Variants in MED12L observed in about 807,000 individuals in gnomAD.
The protein encoded by MED12L is mediator of RNA polymerase II transcription subunit 12-like protein.
A neutral mutation model predicts 281.3 loss-of-function variants in MED12L; 60 were observed. That is an observed-to-expected ratio of 0.21 (90% CI 0.17 to 0.26). MED12L has a LOEUF of 0.26. Ranked by LOEUF, MED12L falls within the 10% of genes least tolerant of loss-of-function variation. The probability of loss-of-function intolerance (pLI) is 1.00; values close to 1 mark genes in which losing one functional copy is unlikely to be tolerated. For synonymous variants in MED12L, 974 were observed against 987.2 expected (o/e 0.99, Z 0.25); for missense variants, 2,146 against 2,680.9 (o/e 0.80, Z 4.41).
intron 5 of MED12L, among the ~76,000 whole-genome samples, chr3:151,144,658 G>T (rs1447002216): frequency 6.6e-6 from 1 of 152,124 alleles, no homozygotes; most frequent in South Asian, 2.1e-4. Flanking sequence ...CTTTCCTGGG[G>T]TACTGCCCCC....
intron 2 of MED12L, among the ~76,000 whole-genome samples, chr3:151,096,519 T>C (rs1720735354): frequency 6.6e-6 from 1 of 152,174 alleles, no homozygotes; most frequent in African/African-American, 2.4e-5. Flanking sequence ...GACTTGGTCC[T>C]ATCAGAAATG....
intron 16 of MED12L, among the ~76,000 whole-genome samples, chr3:151,300,773 G>A (rs1745803504): frequency 6.6e-6 from 1 of 152,198 alleles, no homozygotes; most frequent in African/African-American, 2.4e-5. Context: ...GCTGGTGTGA[G>A]CAGTTACTTT....
intron 2 of MED12L, among the ~76,000 whole-genome samples, chr3:151,103,633 T>C (rs570940340): frequency 6.6e-6 from 1 of 152,362 alleles, no homozygotes; most frequent in East Asian, 1.9e-4. Flanking sequence ...GATACCATTT[T>C]TAAAGTACTT....
At chr3:151,271,646 A>T (rs555419527) in intron 16 of MED12L, among the ~76,000 whole-genome samples, 3 of 152,324 alleles carry the variant, frequency 2.0e-5, no homozygotes, top group African/African-American at 7.2e-5. Flanking sequence ...ATTGTGGTAT[A>T]CTCATAGAAT....
chr3:151,368,712 T>G (rs142092433), intron 25 of MED12L, among the ~76,000 whole-genome samples: 10,543 of 76,060 alleles, frequency 0.14, 1,906 homozygotes, highest in African/African-American at 0.45. Context: ...TTCATTTCAT[T>G]TCATTTCATT....
At chr3:151,275,582 G>C (rs900722391) in intron 16 of MED12L, among the ~76,000 whole-genome samples, 6 of 152,210 alleles carry the variant, frequency 3.9e-5, no homozygotes, top group African/African-American at 1.2e-4. Flanking sequence ...AAGCTTTGCT[G>C]TGGTAAACTT....
At chr3:151,285,358 G>A (rs1330582960) in intron 16 of MED12L, among the ~76,000 whole-genome samples, 1 of 152,064 alleles carries the variant, frequency 6.6e-6, no homozygotes, top group Non-Finnish European at 1.5e-5. Flanking sequence ...GGTGGCGGGT[G>A]CCTGTAGTCC....
At chr3:151,315,316 A>G (rs1748086574) in intron 16 of MED12L, among the ~76,000 whole-genome samples, 1 of 152,080 alleles carries the variant, frequency 6.6e-6, no homozygotes, top group Non-Finnish European at 1.5e-5. Context: ...AAACAGCACA[A>G]CTCTAAATAA....
At chr3:151,428,953 AC>A (rs763501045) in intron 43 of MED12L, among the ~76,000 whole-genome samples, 2 of 152,224 alleles carry the variant, frequency 1.3e-5, no homozygotes, top group Non-Finnish European at 2.9e-5. Flanking sequence ...AACTGTACTT[AC>A]AATCCTGGGC....
intron 16 of MED12L, among the ~76,000 whole-genome samples, chr3:151,243,713 G>A (rs558050259): frequency 6.6e-6 from 1 of 151,882 alleles, no homozygotes; most frequent in African/African-American, 2.4e-5. Flanking sequence ...ATCAACTAAC[G>A]AGCAAAATAA....
intron 38 of MED12L, among the ~76,000 whole-genome samples, chr3:151,391,824 T>C (rs1387530315): frequency 6.6e-6 from 1 of 152,214 alleles, no homozygotes. Flanking sequence ...TCCCCAGAAC[T>C]TAGAGGAACC....
intron 16 of MED12L, among the ~76,000 whole-genome samples, chr3:151,301,514 G>A (rs796770776): frequency 3.0e-4 from 46 of 152,286 alleles, no homozygotes; most frequent in African/African-American, 1.1e-3. Context: ...ATATTTGCAT[G>A]TTATATTTCT....
chr3:151,155,160 T>C (rs915964566), intron 5 of MED12L, among the ~76,000 whole-genome samples: 1 of 152,220 alleles, frequency 6.6e-6, no homozygotes, highest in African/African-American at 2.4e-5. Context: ...GAGAACCTAT[T>C]GCTGAATAAT....
intron 37 of MED12L, among the ~76,000 whole-genome samples, chr3:151,388,971 A>T (rs1713825680): frequency 6.6e-6 from 1 of 152,246 alleles, no homozygotes; most frequent in Admixed American, 6.5e-5. Flanking sequence ...TCACCATTTC[A>T]TTCAGATATT....
At chr3:151,349,305 G>A (rs142429767) in intron 16 of MED12L, among the ~76,000 whole-genome samples, 19 of 152,240 alleles carry the variant, frequency 1.2e-4, no homozygotes, top group African/African-American at 4.3e-4. Context: ...GTGGAGAGGT[G>A]GTCCAGAAGG....
intron 5 of MED12L, among the ~76,000 whole-genome samples, chr3:151,136,503 G>A (rs1716158692): frequency 6.6e-6 from 1 of 152,178 alleles, no homozygotes; most frequent in African/African-American, 2.4e-5. Flanking sequence ...CTTTGCTTAG[G>A]CATGAAAAAT....
intron 16 of MED12L, among the ~76,000 whole-genome samples, chr3:151,319,468 C>T (rs78350995): frequency 0.022 from 3,130 of 145,564 alleles, 152 homozygotes; most frequent in East Asian, 0.13. Flanking sequence ...TGTGTGTGTG[C>T]GTGTGTGTGT....
At chr3:151,263,170 G>A (rs1384447512) in intron 16 of MED12L, among the ~76,000 whole-genome samples, 2 of 152,106 alleles carry the variant, frequency 1.3e-5, no homozygotes, top group Non-Finnish European at 2.9e-5. Flanking sequence ...GTGTGCACAG[G>A]CCCTGTGCTT....
chr3:151,125,147 C>CA (rs770207506), intron 4 of MED12L, among the ~76,000 whole-genome samples: 1 of 152,194 alleles, frequency 6.6e-6, no homozygotes, highest in East Asian at 1.9e-4. Context: ...TACTGAATAA[C>CA]ATGTAATGCA....
Sources: gnomAD v4.1 joint callset for allele counts (sites outside exome capture counted in the v4.1 genomes callset) on GRCh38, gnomAD v4.1.1 for gene constraint, MANE v1.5 for transcripts, NCBI Gene and HGNC (gene_info 2026-07-23, HGNC 2026-07-21) for gene names.